The following SERPINA1 variants were observed in gnomAD, a reference collection of about 807,000 sequenced individuals.
SERPINA1 encodes serpin family A member 1.
SERPINA1 carries 21 observed loss-of-function variants against 25.4 expected under a neutral mutation model. The ratio of observed to expected loss-of-function variants is 0.83; its 90% CI spans 0.59 to 1.19. SERPINA1 has a LOEUF of 1.19. Among genes scored for constraint, SERPINA1 ranks in the 50% most tolerant of loss-of-function variants. The pLI, the probability that SERPINA1 is intolerant of heterozygous loss-of-function variation, is 0.00. For missense variants in SERPINA1, 546 were observed against 509.0 expected (o/e 1.07, Z -0.70); for synonymous variants, 218 against 211.1 (o/e 1.03, Z -0.29).
chr14:94,386,212 G>A (rs747590174), intron 1 of SERPINA1, among the ~76,000 whole-genome samples: 56 of 152,312 alleles, frequency 3.7e-4, no homozygotes, highest in Admixed American at 4.6e-4. Context: ...CATGGTGTAC[G>A]GACACTGAGG....
At chr14:94,386,474 T>C (rs1595622764) in intron 1 of SERPINA1, among the ~76,000 whole-genome samples, 1 of 152,294 alleles carries the variant, frequency 6.6e-6, no homozygotes, top group East Asian at 1.9e-4. Flanking sequence ...CCAGGCCCTG[T>C]CACTTACTGG....
intron 3 of SERPINA1, 102 bp from the exon 4 acceptor site, chr14:94,379,713 C>T (rs993182851): frequency 5.3e-6 from 8 of 1,523,710 alleles, no homozygotes; most frequent in Non-Finnish European, 7.2e-6. Flanking sequence ...ATTTCTGCCA[C>T]TTACTCCTGT....
In SERPINA1 at chr14:94,382,685, C is replaced by G; in HGVS notation, c.553G>C (p.Val185Leu). 6.2e-7 allele frequency: 1 copy of G among 1,614,242 alleles called. No individual in the cohort carries two copies. Among genetic ancestry groups the G allele is most frequent in the African/African-American group, 1.3e-5 (1 of 75,068 alleles). The change falls in exon 2 of 5, where the codon GTG (valine) becomes CTG (leucine). Residue 185 changes from valine to leucine, a missense_variant. By Grantham distance (32) the Val-to-Leu change is conservative (BLOSUM62 1). Coordinates refer to ENST00000393087, the MANE Select transcript of SERPINA1 (RefSeq NM_000295.5). ...EEAKKQINDY[V>L]EKGTQGKIVD... ...ATTTTCCCTTGAGTACCCTTCTCCA[C>G]GTAATCGTTGATCTGTTTCTTGGCC...
intron 2 of SERPINA1, among the ~76,000 whole-genome samples, chr14:94,381,684 C>T (rs764486590): frequency 2.0e-5 from 3 of 152,206 alleles, no homozygotes; most frequent in Non-Finnish European, 2.9e-5. Context: ...GCAGAGTGGA[C>T]AGGGGCCTCA....
rs1896447575 is a variant in SERPINA1 at position 94,377,512 on chromosome 14, G to GGGTGATGTGCTTCCTC, written c.*921_*936dup. The GGGTGATGTGCTTCCTC allele has an allele frequency of 6.6e-6, 1 of 152,386 alleles. No individual in the cohort carries two copies. Among genetic ancestry groups the GGGTGATGTGCTTCCTC allele is most frequent in the South Asian group, 2.1e-4 (1 of 4,834 alleles). The allele number at this position is 152,386 out of a possible 1,614,324, so 9.4% of individuals were successfully genotyped here. On this transcript the variant is annotated 3_prime_UTR_variant, in exon 5 of 5. Coordinates refer to ENST00000393087, the MANE Select transcript of SERPINA1 (RefSeq NM_000295.5). ...AAAGGGAGGGGTTGCGGGGGTCAAT[G>GGGTGATGTGCTTCCTC]GGTGATGTGCTTCCTCTCCCATAGC...
chr14:94,380,711 G>T, intron 3 of SERPINA1, 160 bp downstream of exon 3: 1 of 864,412 alleles, frequency 1.2e-6, no homozygotes. Flanking sequence ...TGAACTCAGT[G>T]GTGGCCTCAT....
rs1896508378 is a variant in SERPINA1, at chr14:94,378,286, T to C, written c.*163A>G. ...TTCAGGGGGCCCGAAGACAGCACTG[T>C]TACCTGGAGCCCACATACAGCCTCA... On this transcript the variant is annotated 3_prime_UTR_variant, in exon 5 of 5. Coordinates refer to ENST00000393087, the MANE Select transcript of SERPINA1 (RefSeq NM_000295.5). The C allele has an allele frequency of 6.0e-6, 4 of 666,304 alleles. No individual in the cohort carries two copies. Among genetic ancestry groups the C allele is most frequent in the Admixed American group, 2.4e-5 (1 of 41,086 alleles). 41.3% of individuals were successfully genotyped at this position (666,304 alleles called of 1,614,324 possible). A position where few individuals can be genotyped will look rare whatever the true frequency, so the allele number is the denominator to read the frequency against.
At chr14:94,383,419 T>A in intron 1 of SERPINA1, 178 bp from the exon 2 acceptor site, 1 of 646,454 alleles carries the variant, frequency 1.5e-6, no homozygotes, top group Non-Finnish European at 2.7e-6. Context: ...ACGTAGTGCT[T>A]ACCATATGCC....
intron 1 of SERPINA1, among the ~76,000 whole-genome samples, chr14:94,388,164 C>T (rs1324449452): frequency 6.6e-6 from 1 of 152,074 alleles, no homozygotes; most frequent in Non-Finnish European, 1.5e-5. Flanking sequence ...TTATAGGAGA[C>T]AACAGACAGG....
upstream of SERPINA1, chr14:94,389,920 G>A (rs1897578235): frequency 6.6e-6 from 1 of 152,236 alleles, no homozygotes; most frequent in Non-Finnish European, 1.5e-5. Context: ...AATGGGGATG[G>A]TGACGGTATG....
In SERPINA1 at chr14:94,378,702, C is replaced by A. The variant is rs968673866; in HGVS notation, c.1066-62G>T. The stretch of plus-strand genomic sequence containing the variant: ...GATCCCAGGCCTCGAGCAAGGCTCA[C>A]GTGGACACCTCCCAGGAAGCGCTCA... On this transcript the variant is annotated intron_variant, in intron 4 of 4. Transcript: ENST00000393087. 8 of 1,516,622 alleles carry A rather than the reference C, an allele frequency of 5.3e-6. No homozygotes were observed. The African/African-American group carries it at 6.4e-5, about 12-fold the overall frequency. 93.9% of individuals were successfully genotyped at this position (1,516,622 alleles called of 1,614,324 possible).
chr14:94,379,400 G>T (rs1471405399), intron 4 of SERPINA1, 64 bp downstream of exon 4: 24 of 1,602,332 alleles, frequency 1.5e-5, no homozygotes, highest in Non-Finnish European at 2.0e-5. Context: ...GGACAGAGCT[G>T]CAGCCCCCAC....
chr14:94,383,451 CAT>C lies in SERPINA1; in HGVS notation c.-4-212_-4-211del. 5.1e-6 allele frequency: 3 copies of C among 594,050 alleles called. No individual in the cohort carries two copies. In the South Asian group the frequency reaches 6.2e-5, roughly 12 times the overall value. 36.8% of individuals were successfully genotyped at this position (594,050 alleles called of 1,614,324 possible). Reference sequence around the variant, plus strand: ...TGCCAAGCACTGTTCTCCGTGCTCACATGTGTTAATTCATTGCTTTCTTGTAA... The same window carrying C: ...TGCCAAGCACTGTTCTCCGTGCTCACGTGTTAATTCATTGCTTTCTTGTAA... On this transcript the variant is annotated intron_variant, in intron 1 of 4. Coordinates refer to ENST00000393087, the MANE Select transcript of SERPINA1 (RefSeq NM_000295.5).
intron 1 of SERPINA1, among the ~76,000 whole-genome samples, chr14:94,387,995 T>A (rs1897392274): frequency 1.3e-5 from 2 of 152,072 alleles, no homozygotes; most frequent in Non-Finnish European, 2.9e-5. Flanking sequence ...CCCATTTTGA[T>A]GTAAGGCTGA....
In SERPINA1 at chr14:94,376,905, G is replaced by A. The variant is rs1470253698; in HGVS notation, c.*1544C>T. On this transcript the variant is annotated 3_prime_UTR_variant, in exon 5 of 5. Coordinates refer to ENST00000393087, the MANE Select transcript of SERPINA1 (RefSeq NM_000295.5). ...ACGAAGGTCACACAGCTGTCAGGGGGAAAAGTCAGAACTTGGATCCAGGTC... is the reference window on the plus strand; with the variant it reads ...ACGAAGGTCACACAGCTGTCAGGGGAAAAAGTCAGAACTTGGATCCAGGTC... The A allele has an allele frequency of 6.6e-6, 1 of 152,250 alleles. No homozygotes were observed. The highest frequency in any genetic ancestry group is 6.5e-5 in the Admixed American group (1 of 15,288). 9.4% of individuals were successfully genotyped at this position (152,250 alleles called of 1,614,324 possible).
chr14:94,380,840 C>T lies in SERPINA1; in HGVS notation c.917+31G>A, dbSNP rs769278810. On this transcript the variant is annotated intron_variant, in intron 3 of 4. Transcript: ENST00000393087. The stretch of plus-strand genomic sequence containing the variant: ...CAACATGGCTAAGAGGTGTGGGCAG[C>T]TTCTTGGTCACCCTCAGGTTGGGGA... The T allele has an allele frequency of 1.1e-5, 17 of 1,614,096 alleles. No homozygotes were observed. The Admixed American group carries it at 2.7e-4, about 25-fold the overall frequency.
chr14:94,387,173 T>C (rs1272039719), intron 1 of SERPINA1, among the ~76,000 whole-genome samples: 1 of 152,236 alleles, frequency 6.6e-6, no homozygotes, highest in East Asian at 1.9e-4. Context: ...AGTCTGTGGC[T>C]AAAATTAAAG....
Position 94,384,285 on chromosome 14 carries a change from A to T in SERPINA1, c.-4-1044T>A, listed in dbSNP as rs555384561. The stretch of plus-strand genomic sequence containing the variant: ...CTCATTTTGCCTCATACATAAAGTG[A>T]TGTTTATGTATGAGAATTTAGTGAA... On this transcript the variant is annotated intron_variant, in intron 1 of 4. Transcript: ENST00000393087. Among the ~76,000 whole-genome samples the T allele has an allele frequency of 2.7e-3, 410 of 152,286 alleles. 1 individual carries two copies. The highest frequency in any genetic ancestry group is 4.0e-3 in the Non-Finnish European group (275 of 68,016).
rs1896390411 is a variant in SERPINA1 at position 94,376,777 on chromosome 14, T to C, written c.*1672A>G. On this transcript the variant is annotated 3_prime_UTR_variant, in exon 5 of 5. Transcript: ENST00000393087. Reference sequence around the variant, plus strand: ...GAAATGTAGTTCTATTTATTCTCTGTTCTAATGGGTATAAACATTTTGTTA... The same window carrying C: ...GAAATGTAGTTCTATTTATTCTCTGCTCTAATGGGTATAAACATTTTGTTA... The C allele has an allele frequency of 6.6e-6, 1 of 152,242 alleles. No homozygotes were observed. Among genetic ancestry groups the C allele is most frequent in the Non-Finnish European group, 1.5e-5 (1 of 68,042 alleles). 9.4% of individuals were successfully genotyped at this position (152,242 alleles called of 1,614,324 possible).
Sources: gnomAD v4.1 joint callset for allele counts (sites outside exome capture counted in the v4.1 genomes callset) on GRCh38, gnomAD v4.1.1 for gene constraint, MANE v1.5 for transcripts, NCBI Gene and HGNC (gene_info 2026-07-23, HGNC 2026-07-21) for gene names.